Variants in CENPP observed in about 807,000 individuals in gnomAD.
CENPP encodes the protein centromere protein P.
Under a neutral mutation model 35.6 loss-of-function variants are expected in CENPP, and 24 were observed. The ratio of observed to expected loss-of-function variants is 0.67; its 90% CI spans 0.49 to 0.95. The LOEUF (loss-of-function observed/expected upper bound fraction) is 0.95. Ranked by LOEUF, CENPP falls within the 40% of genes least tolerant of loss-of-function variation. The pLI is 0.00. For missense variants in CENPP, 332 were observed against 345.3 expected (o/e 0.96, Z 0.31); for synonymous variants, 120 against 125.5 (o/e 0.96, Z 0.29).
At chr9:92,448,129 G>A (rs997096305) in intron 5 of CENPP, among the ~76,000 whole-genome samples, 2 of 152,188 alleles carry the variant, frequency 1.3e-5, no homozygotes, top group African/African-American at 4.8e-5. Context: ...AACCACCCAA[G>A]GGTTTCTTCC....
At chr9:92,540,216 A>G (rs1849285348) in intron 5 of CENPP, among the ~76,000 whole-genome samples, 1 of 152,192 alleles carries the variant, frequency 6.6e-6, no homozygotes, top group Admixed American at 6.5e-5. Context: ...AAGCTGGTGG[A>G]TCATGAGGTC....
chr9:92,378,223 A>G (rs1842167013), intron 4 of CENPP, among the ~76,000 whole-genome samples: 1 of 152,188 alleles, frequency 6.6e-6, no homozygotes, highest in African/African-American at 2.4e-5. Flanking sequence ...TTCACACCTC[A>G]GCCTCTGTGG....
chr9:92,466,231 T>C (rs1564336280), intron 5 of CENPP: 5 of 655,660 alleles, frequency 7.6e-6, no homozygotes, highest in Non-Finnish European at 1.3e-5. Flanking sequence ...GGTTTATAAA[T>C]GGCTTATCTA....
intron 5 of CENPP, among the ~76,000 whole-genome samples, chr9:92,422,196 G>A (rs1040945347): frequency 3.9e-5 from 6 of 151,954 alleles, no homozygotes; most frequent in East Asian, 3.9e-4. Context: ...GATTACAGGC[G>A]TGCACCACCA....
chr9:92,408,666 T>C lies in CENPP; in HGVS notation c.564+28807T>C, dbSNP rs76636422. On this transcript the variant is annotated intron_variant, in intron 5 of 7. Coordinates refer to ENST00000375587, the MANE Select transcript of CENPP (RefSeq NM_001012267.3). ...ATTCTCTGTTGTGGGGGCTGTCCTG[T>C]GTGCACTTTAGGATGTTTAGCAGCA... Among the ~76,000 whole-genome samples the C allele has an allele frequency of 4.8e-3, 733 of 152,248 alleles. 4 individuals are homozygous for C. Among genetic ancestry groups the C allele is most frequent in the African/African-American group, 0.015 (636 of 41,552 alleles).
chr9:92,345,963 G>A (rs1841283862), intron 4 of CENPP, among the ~76,000 whole-genome samples, 176 bp downstream of exon 4: 1 of 151,968 alleles, frequency 6.6e-6, no homozygotes, highest in Non-Finnish European at 1.5e-5. Context: ...CTTTCATTTA[G>A]TTTATATTTA....
rs533156154 is a variant in CENPP, at chr9:92,425,542, G to A, written c.564+45683G>A. 1.4e-4 allele frequency among the ~76,000 whole-genome samples: 22 copies of A among 152,248 alleles called. 1 individual carries two copies. The highest frequency in any genetic ancestry group is 1.1e-3 in the Admixed American group (17 of 15,292). On this transcript the variant is annotated intron_variant, in intron 5 of 7. Coordinates refer to ENST00000375587, the MANE Select transcript of CENPP (RefSeq NM_001012267.3). ...CAGTAGATTCGGAGTTCATTTTGGG[G>A]GGGAATTCTTTTAAGCTTTTACAAA...
At chr9:92,597,549 ATC>A (rs1354423209) in intron 5 of CENPP, among the ~76,000 whole-genome samples, 2 of 152,384 alleles carry the variant, frequency 1.3e-5, no homozygotes, top group Admixed American at 1.3e-4. Context: ...TACTTTCATT[ATC>A]TGTTATAATT....
At chr9:92,398,175 G>C (rs1185479643) in intron 5 of CENPP, among the ~76,000 whole-genome samples, 1 of 152,150 alleles carries the variant, frequency 6.6e-6, no homozygotes, top group Non-Finnish European at 1.5e-5. Flanking sequence ...TCCTTAGCCT[G>C]AAGGTATATA....
chr9:92,486,277 G>T (rs1385001956), intron 5 of CENPP, among the ~76,000 whole-genome samples: 1 of 152,192 alleles, frequency 6.6e-6, no homozygotes, highest in Non-Finnish European at 1.5e-5. Context: ...AAAAGCTTCT[G>T]TGAAGGGATA....
chr9:92,528,063 A>T (rs1357888166), intron 5 of CENPP: 1 of 152,650 alleles, frequency 6.6e-6, no homozygotes, highest in African/African-American at 2.4e-5. Flanking sequence ...CTAGAGAATC[A>T]TTCAGCCATT....
chr9:92,556,144 C>T (rs1476009503), intron 5 of CENPP, among the ~76,000 whole-genome samples: 1 of 152,118 alleles, frequency 6.6e-6, no homozygotes, highest in Non-Finnish European at 1.5e-5. Context: ...TCATTTTTGA[C>T]CTAATGCTCA....
intron 5 of CENPP, chr9:92,384,362 C>G (rs901141180): frequency 2.6e-5 from 4 of 152,078 alleles, no homozygotes; most frequent in Non-Finnish European, 4.4e-5. Context: ...ACAGAGACAA[C>G]TTGATTTCAA....
At chr9:92,473,673 T>C (rs1051537788) in intron 5 of CENPP, among the ~76,000 whole-genome samples, 12 of 152,224 alleles carry the variant, frequency 7.9e-5, no homozygotes, top group South Asian at 2.1e-4. Context: ...CCATTTTTTT[T>C]CCTAGCCTAT....
chr9:92,365,470 G>A (rs957867981), intron 4 of CENPP, among the ~76,000 whole-genome samples: 5 of 143,060 alleles, frequency 3.5e-5, no homozygotes, highest in African/African-American at 1.3e-4. Context: ...GAGTTCAGGG[G>A]CATGATCTTG....
intron 5 of CENPP, among the ~76,000 whole-genome samples, chr9:92,554,850 C>T (rs1411281733): frequency 6.6e-6 from 1 of 151,898 alleles, no homozygotes; most frequent in East Asian, 1.9e-4. Context: ...GTTGGCCAGG[C>T]TGGTCTCGAA....
At chr9:92,409,444 C>T (rs1420027289) in intron 5 of CENPP, among the ~76,000 whole-genome samples, 1 of 152,120 alleles carries the variant, frequency 6.6e-6, no homozygotes, top group Non-Finnish European at 1.5e-5. Context: ...CATCATGGAG[C>T]TGATTAAGTG....
At chr9:92,537,574 C>G (rs538458026) in intron 5 of CENPP, among the ~76,000 whole-genome samples, 1 of 152,142 alleles carries the variant, frequency 6.6e-6, no homozygotes, top group South Asian at 2.1e-4. Context: ...GTAGGAGAAT[C>G]ACTTGAACCT....
At chr9:92,535,902 A>T in intron 5 of CENPP, 1 of 460,086 alleles carries the variant, frequency 2.2e-6, no homozygotes, top group South Asian at 1.6e-5. Flanking sequence ...CCACATGCTA[A>T]GTAGAAACTT....
Sources: allele counts gnomAD v4.1 joint callset (sites outside exome capture counted in the v4.1 genomes callset), GRCh38; gene constraint gnomAD v4.1.1; transcripts MANE v1.5; gene names NCBI Gene and HGNC (gene_info 2026-07-23, HGNC 2026-07-21).